EPHA3: variants seen among roughly 807,000 people sequenced by gnomAD.
EPHA3 encodes ephrin type-A receptor 3.
EPHA3 carries 42 observed loss-of-function variants against 107.1 expected under a neutral mutation model. The observed-to-expected ratio is 0.39, with a 90% CI of 0.31 to 0.51. The LOEUF is 0.51. EPHA3 is among the 20% of genes least tolerant of loss of function. The pLI is 0.78. For missense variants in EPHA3, 1,183 were observed against 1,211.2 expected, an observed-to-expected ratio of 0.98 and a Z score of 0.35; for synonymous variants, 461 against 424.8, an observed-to-expected ratio of 1.09 and a Z score of -1.05.
Position 89,399,442 on chromosome 3 carries a change from C to T in EPHA3, c.1556C>T (p.Thr519Met), listed in dbSNP as rs543425684. The change falls in exon 7 of 17, where the codon ACG becomes ATG. Residue 519 changes from threonine (T) to methionine (M), a missense_variant. Thr to Met is a moderately conservative substitution (Grantham distance 81, BLOSUM62 -1). Coordinates refer to ENST00000336596, the MANE Select transcript of EPHA3 (RefSeq NM_005233.6). ...IRARTAAGYGTNSRKFEFETS... is the reference protein window; with the variant it reads ...IRARTAAGYGMNSRKFEFETS... The stretch of plus-strand genomic sequence containing the variant: ...GCCCGAACAGCCGCTGGATATGGGA[C>T]GAACAGCCGCAAGTTTGAGTTTGAA... 1.1e-5 allele frequency: 18 copies of T among 1,614,020 alleles called. 1 individual carries two copies. The Middle Eastern group carries it at 6.6e-4, about 59-fold the overall frequency.
At chr3:89,277,047 G>C (rs1466775780) in intron 3 of EPHA3, among the ~76,000 whole-genome samples, 4 of 152,092 alleles carry the variant, frequency 2.6e-5, no homozygotes, top group Non-Finnish European at 5.9e-5. Context: ...CCAATGAAAA[G>C]CTAAATGCAT....
chr3:89,393,780 AAT>A (rs1491261435), intron 5 of EPHA3, among the ~76,000 whole-genome samples: 3 of 130,000 alleles, frequency 2.3e-5, no homozygotes, highest in African/African-American at 7.7e-5. Context: ...AGCAAAAATA[AAT>A]TTTTTTTTAA....
rs1707668127 is a variant in EPHA3, at chr3:89,346,773, C to A, written c.1306+4683C>A. Reference sequence around the variant, plus strand: ...TAGGTCTAACGTTTAAGTCTTTAATCCATCTTGAATTGATTTTTGTATAAG... The same window carrying A: ...TAGGTCTAACGTTTAAGTCTTTAATACATCTTGAATTGATTTTTGTATAAG... On this transcript the variant is annotated intron_variant, in intron 5 of 16. Coordinates refer to ENST00000336596, the MANE Select transcript of EPHA3 (RefSeq NM_005233.6). Among the ~76,000 whole-genome samples the A allele has an allele frequency of 1.4e-5, 2 of 146,266 alleles. 1 individual carries two copies. The highest frequency in any genetic ancestry group is 3.1e-5 in the Non-Finnish European group (2 of 65,144).
chr3:89,112,189 A>G (rs1292646251), intron 1 of EPHA3, among the ~76,000 whole-genome samples: 1 of 152,074 alleles, frequency 6.6e-6, no homozygotes, highest in Non-Finnish European at 1.5e-5. Flanking sequence ...TATAATGAAA[A>G]ACACTTTAAT....
chr3:89,358,417 C>T (rs1161084571), intron 5 of EPHA3, among the ~76,000 whole-genome samples: 1 of 151,002 alleles, frequency 6.6e-6, no homozygotes, highest in Non-Finnish European at 1.5e-5. Context: ...CAATTACTTG[C>T]CTTTTTCTGT....
intron 7 of EPHA3, chr3:89,399,792 G>T: frequency 8.9e-7 from 1 of 1,119,126 alleles, no homozygotes; most frequent in East Asian, 4.3e-5. Flanking sequence ...CACTTCCAGT[G>T]TCTGTCATTT....
intron 5 of EPHA3, among the ~76,000 whole-genome samples, chr3:89,349,599 G>T (rs1276199965): frequency 1.4e-5 from 2 of 142,770 alleles, no homozygotes; most frequent in African/African-American, 5.2e-5. Context: ...TTTAATTGGA[G>T]CATTTAGTCC....
At chr3:89,156,339 G>A (rs1007196745) in intron 2 of EPHA3, among the ~76,000 whole-genome samples, 2 of 152,072 alleles carry the variant, frequency 1.3e-5, no homozygotes, top group African/African-American at 4.8e-5. Flanking sequence ...TACTAAACAA[G>A]AAGAGAGCAG....
chr3:89,296,910 A>G (rs1706367059), intron 3 of EPHA3, among the ~76,000 whole-genome samples: 1 of 152,258 alleles, frequency 6.6e-6, no homozygotes, highest in South Asian at 2.1e-4. Flanking sequence ...TTCACCTTGC[A>G]GTTTTATATT....
At chr3:89,250,764 A>T (rs1705143804) in intron 3 of EPHA3, among the ~76,000 whole-genome samples, 1 of 152,206 alleles carries the variant, frequency 6.6e-6, no homozygotes, top group South Asian at 2.1e-4. Flanking sequence ...TGGCTTCTGG[A>T]TGTAAAATCC....
In EPHA3 at chr3:89,395,834, C is replaced by G; in HGVS notation, c.1307-3C>G. Reference sequence around the variant, plus strand: ...ACCTTCCCCTCCCATCCTCTCTTTACAGCTCCATCACCTGTCCTGACGATT... The same window carrying G: ...ACCTTCCCCTCCCATCCTCTCTTTAGAGCTCCATCACCTGTCCTGACGATT... On this transcript the variant is annotated splice_polypyrimidine_tract_variant and splice_region_variant and intron_variant, in intron 5 of 16. Coordinates refer to ENST00000336596, the MANE Select transcript of EPHA3 (RefSeq NM_005233.6). 6.2e-7 allele frequency: 1 copy of G among 1,613,532 alleles called. No homozygotes were observed. The highest frequency in any genetic ancestry group is 8.5e-7 in the Non-Finnish European group (1 of 1,179,686).
chr3:89,274,662 A>G (rs979656552), intron 3 of EPHA3, among the ~76,000 whole-genome samples: 1 of 152,064 alleles, frequency 6.6e-6, no homozygotes, highest in Admixed American at 6.6e-5. Context: ...CACTCTTGAT[A>G]GAGCCATCAG....
At chr3:89,251,156 G>A (rs1705154563) in intron 3 of EPHA3, among the ~76,000 whole-genome samples, 1 of 152,038 alleles carries the variant, frequency 6.6e-6, no homozygotes, top group South Asian at 2.1e-4. Context: ...TGTTCTTCTG[G>A]AGATACTTTT....
chr3:89,185,367 T>A (rs1018014980), intron 2 of EPHA3, among the ~76,000 whole-genome samples: 3 of 152,082 alleles, frequency 2.0e-5, no homozygotes, highest in African/African-American at 7.2e-5. Flanking sequence ...TGGGGCTGAA[T>A]TAAGCATTTT....
chr3:89,203,604 T>A (rs537349937), intron 2 of EPHA3, among the ~76,000 whole-genome samples: 20 of 151,406 alleles, frequency 1.3e-4, no homozygotes, highest in African/African-American at 2.4e-4. Context: ...AAACCCCGTC[T>A]CTACTAAAAA....
At chr3:89,123,948 T>A (rs756521091) in intron 1 of EPHA3, among the ~76,000 whole-genome samples, 1 of 152,198 alleles carries the variant, frequency 6.6e-6, no homozygotes. Context: ...ACAGCTTTGA[T>A]AAATAACTGG....
chr3:89,113,522 G>A (rs1355447547), intron 1 of EPHA3, among the ~76,000 whole-genome samples: 3 of 106,266 alleles, frequency 2.8e-5, no homozygotes, highest in African/African-American at 8.4e-5. Flanking sequence ...AAGAGGGGAG[G>A]GTGGTCGATT....
intron 3 of EPHA3, among the ~76,000 whole-genome samples, chr3:89,210,824 A>G (rs1203459640): frequency 6.6e-6 from 1 of 152,154 alleles, no homozygotes; most frequent in African/African-American, 2.4e-5. Context: ...GACCACCTGG[A>G]AGAAAAACAT....
chr3:89,399,512 G>C (rs186767754), intron 7 of EPHA3, 32 bp downstream of exon 7: 1 of 1,604,940 alleles, frequency 6.2e-7, no homozygotes, highest in Admixed American at 1.7e-5. Context: ...TCTAGAGGAG[G>C]GGGCAGGGAT....
Sources: gnomAD v4.1 joint callset for allele counts (sites outside exome capture counted in the v4.1 genomes callset) on GRCh38, gnomAD v4.1.1 for gene constraint, MANE v1.5 for transcripts, NCBI Gene and HGNC (gene_info 2026-07-23, HGNC 2026-07-21) for gene names.